Variants in DSCAM observed in about 807,000 individuals in gnomAD.
The protein encoded by DSCAM is DS cell adhesion molecule.
Under a neutral mutation model 217.7 loss-of-function variants are expected in DSCAM, and 47 were observed. That is an observed-to-expected ratio of 0.22 (90% CI 0.17 to 0.28). The LOEUF (loss-of-function observed/expected upper bound fraction) is 0.28, where lower values mean the gene tolerates loss of function less well. Among genes scored for constraint, DSCAM ranks in the 10% least tolerant of loss-of-function variants. DSCAM has a pLI of 1.00. For missense variants in DSCAM, 2,080 were observed against 2,618.3 expected (o/e 0.79, Z 4.49); for synonymous variants, 1,056 against 1,015.3 (o/e 1.04, Z -0.76).
intron 3 of DSCAM, among the ~76,000 whole-genome samples, chr21:40,475,857 TA>T (rs986207470): frequency 1.3e-5 from 2 of 151,034 alleles, no homozygotes; most frequent in Admixed American, 6.6e-5. Context: ...AAATAAAATT[TA>T]AAAAAAAACA....
intron 3 of DSCAM, among the ~76,000 whole-genome samples, chr21:40,411,721 T>G: frequency 6.6e-6 from 1 of 152,030 alleles, no homozygotes; most frequent in East Asian, 1.9e-4. Context: ...ACATTACCAA[T>G]ATAAGTAATG....
At chr21:40,250,671 G>A (rs2073291243) in intron 11 of DSCAM, among the ~76,000 whole-genome samples, 1 of 152,280 alleles carries the variant, frequency 6.6e-6, no homozygotes, top group East Asian at 1.9e-4. Context: ...TTCCTGAAGT[G>A]GCAGCGACAG....
intron 11 of DSCAM, among the ~76,000 whole-genome samples, chr21:40,204,939 T>A (rs1330606668): frequency 6.6e-6 from 1 of 152,204 alleles, no homozygotes; most frequent in Non-Finnish European, 1.5e-5. Context: ...CATGGCACAT[T>A]TGCAGGAATA....
chr21:40,624,746 C>G (rs547983488), intron 3 of DSCAM, among the ~76,000 whole-genome samples: 2 of 152,178 alleles, frequency 1.3e-5, no homozygotes, highest in Non-Finnish European at 1.5e-5. Context: ...AAGAAGAAAC[C>G]TTTGTGTGCA....
At chr21:40,415,470 A>G (rs1335967782) in intron 3 of DSCAM, among the ~76,000 whole-genome samples, 1 of 152,264 alleles carries the variant, frequency 6.6e-6, no homozygotes, top group Non-Finnish European at 1.5e-5. Flanking sequence ...TGAATGACCC[A>G]GGTCTGGATG....
intron 3 of DSCAM, among the ~76,000 whole-genome samples, chr21:40,498,779 GTGTATATATATATATATATATATA>G (rs71186942): frequency 0.62 from 43,362 of 70,174 alleles, 12,216 homozygotes; most frequent in African/African-American, 0.66. Flanking sequence ...ATATATGGGT[GTGTATATATATATATATATATATA>G]TATATATATA....
At chr21:40,671,508 C>CT (rs1264741677) in intron 3 of DSCAM, among the ~76,000 whole-genome samples, 2 of 151,316 alleles carry the variant, frequency 1.3e-5, no homozygotes, top group African/African-American at 4.9e-5. Flanking sequence ...ACTCCCCCCC[C>CT]GCACCGTCTC....
intron 3 of DSCAM, among the ~76,000 whole-genome samples, chr21:40,390,550 TAGC>T (rs2075124689): frequency 6.6e-6 from 1 of 152,164 alleles, no homozygotes; most frequent in Admixed American, 6.5e-5. Context: ...GTTTAAATGA[TAGC>T]AGGGTATTCT....
intron 3 of DSCAM, among the ~76,000 whole-genome samples, chr21:40,388,994 T>C (rs763894058): frequency 5.3e-5 from 8 of 152,184 alleles, no homozygotes; most frequent in Non-Finnish European, 1.2e-4. Flanking sequence ...ATGGGTGGGA[T>C]ACAATATGGT....
In DSCAM at chr21:40,219,197, T is replaced by C. The variant is rs143773938; in HGVS notation, c.2357-29959A>G. Among the ~76,000 whole-genome samples, 145 of 152,342 alleles carry C rather than the reference T, an allele frequency of 9.5e-4. 1 individual carries two copies. Among genetic ancestry groups the C allele is most frequent in the African/African-American group, 3.3e-3 (136 of 41,584 alleles). On this transcript the variant is annotated intron_variant, in intron 11 of 32. Transcript: ENST00000400454. ...GTTTTGAAATGGAATGAGTGTTGAATTTTATCAAAAGCCTTTCCTGCATCT... is the reference window on the plus strand; with the variant it reads ...GTTTTGAAATGGAATGAGTGTTGAACTTTATCAAAAGCCTTTCCTGCATCT...
chr21:40,534,712 T>G (rs2076481706), intron 3 of DSCAM, among the ~76,000 whole-genome samples: 1 of 152,238 alleles, frequency 6.6e-6, no homozygotes, highest in South Asian at 2.1e-4. Flanking sequence ...TATAGAGTGA[T>G]ATATTTTTAA....
intron 3 of DSCAM, among the ~76,000 whole-genome samples, chr21:40,435,908 C>T (rs993202072): frequency 3.3e-5 from 5 of 152,158 alleles, no homozygotes. Context: ...TCTCATGATG[C>T]TGAGCAGCAG....
intron 1 of DSCAM, among the ~76,000 whole-genome samples, chr21:40,805,595 A>G (rs952674378): frequency 3.3e-5 from 5 of 152,146 alleles, no homozygotes; most frequent in Non-Finnish European, 7.4e-5. Flanking sequence ...CTCCAGGCCT[A>G]AGGATGGTGG....
intron 3 of DSCAM, among the ~76,000 whole-genome samples, chr21:40,469,882 A>G (rs906911878): frequency 4.6e-5 from 7 of 152,242 alleles, no homozygotes; most frequent in Non-Finnish European, 8.8e-5. Context: ...AAATTTAACA[A>G]TGAGGCATAT....
chr21:40,646,486 C>T (rs1017855569), intron 3 of DSCAM, among the ~76,000 whole-genome samples: 11 of 152,004 alleles, frequency 7.2e-5, no homozygotes, highest in East Asian at 1.9e-4. Context: ...AGAGAACTCA[C>T]GTGGCATTGA....
intron 1 of DSCAM, among the ~76,000 whole-genome samples, chr21:40,842,290 T>A (rs1356585663): frequency 2.6e-5 from 4 of 152,212 alleles, no homozygotes; most frequent in African/African-American, 9.6e-5. Context: ...CACCCCTGGG[T>A]GCCTGCCCTG....
At chr21:40,780,687 A>G (rs2091535984) in intron 1 of DSCAM, among the ~76,000 whole-genome samples, 2 of 151,886 alleles carry the variant, frequency 1.3e-5, no homozygotes, top group Admixed American at 1.3e-4. Flanking sequence ...AAAAGAAGAG[A>G]TGAGGATGCA....
intron 15 of DSCAM, among the ~76,000 whole-genome samples, chr21:40,175,855 C>A (rs1048657051): frequency 6.6e-6 from 1 of 150,392 alleles, no homozygotes; most frequent in Non-Finnish European, 1.5e-5. Context: ...CATTGTGACA[C>A]CCATTCTAAA....
intron 3 of DSCAM, among the ~76,000 whole-genome samples, chr21:40,390,132 A>T (rs868363114): frequency 3.9e-5 from 6 of 152,172 alleles, no homozygotes; most frequent in South Asian, 2.1e-4. Context: ...GTTTTGCTTA[A>T]TCAAGCCTCC....
Sources: gnomAD v4.1 joint callset for allele counts (sites outside exome capture counted in the v4.1 genomes callset) on GRCh38, gnomAD v4.1.1 for gene constraint, MANE v1.5 for transcripts, NCBI Gene and HGNC (gene_info 2026-07-23, HGNC 2026-07-21) for gene names.